Variants in RSPH3 observed in about 807,000 individuals in gnomAD.
RSPH3 encodes radial spoke head protein 3 homolog.
Under a neutral mutation model 43.8 loss-of-function variants are expected in RSPH3, and 21 were observed. The ratio of observed to expected loss-of-function variants is 0.48; its 90% CI spans 0.34 to 0.69. The LOEUF (loss-of-function observed/expected upper bound fraction) is 0.69. RSPH3 is among the 30% of genes least tolerant of loss of function. The pLI, the probability that RSPH3 is intolerant of heterozygous loss-of-function variation, is 0.01. For missense variants in RSPH3, 487 were observed against 516.0 expected, an observed-to-expected ratio of 0.94 and a Z score of 0.54; for synonymous variants, 173 against 179.8, an observed-to-expected ratio of 0.96 and a Z score of 0.30.
At position 158,982,421 on chromosome 6, in the gene RSPH3, T is replaced by C. The variant is rs1023931410; in HGVS notation, c.696+64A>G. 2.8e-5 allele frequency: 28 copies of C among 1,015,648 alleles called. 1 individual carries two copies. The East Asian group carries it at 7.0e-4, about 25-fold the overall frequency. The allele number at this position is 1,015,648 out of a possible 1,614,324, so 62.9% of individuals were successfully genotyped here. A position where few individuals can be genotyped will look rare whatever the true frequency, so the allele number is the denominator to read the frequency against. ...TTTTATGATATATCATCACATGTAA[T>C]TTTGAACATAATATGCTAACTAGCC... On this transcript the variant is annotated intron_variant, in intron 5 of 7. Coordinates refer to ENST00000367069, the MANE Select transcript of RSPH3 (RefSeq NM_031924.8).
At position 158,999,838 on chromosome 6, in the gene RSPH3, C is replaced by G; in HGVS notation, c.-288G>C. ...GGCGGGAACTCCGGGCAGTTCCGGT[C>G]CCCAGGTTTCCCGGGAAGGACTGCG... On this transcript the variant is annotated 5_prime_UTR_variant, in exon 1 of 8. Coordinates refer to ENST00000367069, the MANE Select transcript of RSPH3 (RefSeq NM_031924.8). 1 of 1,613,864 alleles carries G rather than the reference C, an allele frequency of 6.2e-7. No individual in the cohort carries two copies. Among genetic ancestry groups the G allele is most frequent in the South Asian group, 1.1e-5 (1 of 91,068 alleles).
chr6:158,985,014 C>T (rs1283475077), intron 3 of RSPH3, among the ~76,000 whole-genome samples: 1 of 152,210 alleles, frequency 6.6e-6, no homozygotes, highest in South Asian at 2.1e-4. Flanking sequence ...GATGGATCCA[C>T]TCACCATCTT....
In RSPH3 at chr6:158,984,127, C is replaced by T. The variant is rs140653783; in HGVS notation, c.347-320G>A. Among the ~76,000 whole-genome samples, 2,550 of 151,602 alleles carry T rather than the reference C, an allele frequency of 0.017. 67 individuals are homozygous for T. The highest frequency in any genetic ancestry group is 0.059 in the African/African-American group (2,425 of 41,334). On this transcript the variant is annotated intron_variant, in intron 3 of 7. Coordinates refer to ENST00000367069, the MANE Select transcript of RSPH3 (RefSeq NM_031924.8). ...ACAGCCTGGGCAACACAGTGAGACT[C>T]TGTCTCAAAGAAAAAAAAATTCTGG...
chr6:158,976,397 C>T lies in RSPH3; in HGVS notation c.*1141G>A, dbSNP rs1003857644. On this transcript the variant is annotated 3_prime_UTR_variant, in exon 8 of 8. Transcript: ENST00000367069. ...ACAGTCATAATATGTAATACCTTAA[C>T]CATATTTTGACAAGATAAGAGATTG... 3.3e-5 allele frequency: 5 copies of T among 151,946 alleles called. No individual in the cohort carries two copies. Among genetic ancestry groups the T allele is most frequent in the African/African-American group, 1.2e-4 (5 of 41,322 alleles). 9.4% of individuals were successfully genotyped at this position (151,946 alleles called of 1,614,324 possible). A position where few individuals can be genotyped will look rare whatever the true frequency, so the allele number is the denominator to read the frequency against.
intron 1 of RSPH3, among the ~76,000 whole-genome samples, chr6:158,997,419 A>C (rs1041493148): frequency 6.6e-6 from 1 of 151,996 alleles, no homozygotes; most frequent in Non-Finnish European, 1.5e-5. Flanking sequence ...TTACAGGTAC[A>C]TGCCACCATG....
chr6:158,986,013 AC>A (rs1275243208), intron 3 of RSPH3, among the ~76,000 whole-genome samples: 1 of 151,192 alleles, frequency 6.6e-6, no homozygotes, highest in East Asian at 2.0e-4. Flanking sequence ...GGGGTATTTC[AC>A]CACATTGGCC....
downstream of RSPH3, among the ~76,000 whole-genome samples, chr6:158,969,554 T>C (rs1302265632): frequency 6.6e-6 from 1 of 152,228 alleles, no homozygotes; most frequent in Non-Finnish European, 1.5e-5. Flanking sequence ...ACATTTTTCA[T>C]CAAATTTAGT....
chr6:158,968,949 T>C (rs1310564996), downstream of RSPH3, among the ~76,000 whole-genome samples: 1 of 152,190 alleles, frequency 6.6e-6, no homozygotes, highest in African/African-American at 2.4e-5. Flanking sequence ...GACCTTGTGA[T>C]CCACCCTACA....
Position 158,977,593 on chromosome 6 carries a change from C to T in RSPH3, c.1202G>A (p.Gly401Glu). ...RKFMEERELL[G>E]QDEETAMRKS... ...CCTCATTGCTGTTTCTTCATCTTGC[C>T]CTAAGAGTTCTCTCTCTTCCATAAA... is the stretch of plus-strand genomic sequence containing the variant. Residue 401 changes from glycine to glutamate, a missense_variant, in exon 8 of 8, where the codon GGG becomes GAG. By Grantham distance (98) the Gly-to-Glu change is moderately conservative. Transcript: ENST00000367069. The T allele has an allele frequency of 1.9e-6, 3 of 1,614,028 alleles. No homozygotes were observed. The highest frequency in any genetic ancestry group is 2.5e-6 in the Non-Finnish European group (3 of 1,180,010).
downstream of RSPH3, among the ~76,000 whole-genome samples, chr6:158,970,861 C>T (rs1371422333): frequency 6.6e-6 from 1 of 152,074 alleles, no homozygotes; most frequent in Non-Finnish European, 1.5e-5. Context: ...AATGTCAAAG[C>T]TTTTTAAAGC....
In RSPH3 at chr6:158,973,443, C is replaced by T. The variant is rs887535205; in HGVS notation, c.*4095G>A. 6.6e-6 allele frequency: 1 copy of T among 152,146 alleles called. No individual in the cohort carries two copies. The highest frequency in any genetic ancestry group is 1.5e-5 in the Non-Finnish European group (1 of 68,016). 9.4% of individuals were successfully genotyped at this position (152,146 alleles called of 1,614,324 possible). On this transcript the variant is annotated 3_prime_UTR_variant, in exon 8 of 8. Coordinates refer to ENST00000367069, the MANE Select transcript of RSPH3 (RefSeq NM_031924.8). ...AAAATGCTGCTTCCCCAACTATGACCGCCATTATAACTTTTAATGGAATTA... is the reference window on the plus strand; with the variant it reads ...AAAATGCTGCTTCCCCAACTATGACTGCCATTATAACTTTTAATGGAATTA...
At chr6:158,985,944 G>A (rs1778221936) in intron 3 of RSPH3, among the ~76,000 whole-genome samples, 1 of 151,454 alleles carries the variant, frequency 6.6e-6, no homozygotes, top group Non-Finnish European at 1.5e-5. Flanking sequence ...CTCCCGAGTA[G>A]CTGGGATTAC....
chr6:158,999,273 TCCACACC>T (rs1778761239), intron 1 of RSPH3, among the ~76,000 whole-genome samples, 155 bp downstream of exon 1: 1 of 152,194 alleles, frequency 6.6e-6, no homozygotes, highest in Admixed American at 6.5e-5. Flanking sequence ...GCTTCACTCC[TCCACACC>T]ACGGGAGATT....
At chr6:158,964,368 A>G in the RSPH3 span, among the ~76,000 whole-genome samples, 1 of 152,136 alleles carries the variant, frequency 6.6e-6, no homozygotes, top group African/African-American at 2.4e-5. Context: ...CTTTTTCTGT[A>G]TTGTGATTGT....
chr6:158,984,971 T>A (rs1341310464), intron 3 of RSPH3, among the ~76,000 whole-genome samples: 1 of 152,174 alleles, frequency 6.6e-6, no homozygotes, highest in Non-Finnish European at 1.5e-5. Flanking sequence ...CATGGAATGG[T>A]CCCTTTTGCC....
intron 3 of RSPH3, among the ~76,000 whole-genome samples, chr6:158,984,434 TTATATATATATATA>T (rs55999313): frequency 2.4e-4 from 15 of 63,708 alleles, no homozygotes; most frequent in Admixed American, 1.1e-3. Context: ...AAAAAGTCAA[TTATATATATATATA>T]TATATATATA....
intron 1 of RSPH3, among the ~76,000 whole-genome samples, chr6:158,998,788 T>C (rs113090409): frequency 1.1e-5 from 1 of 89,020 alleles, no homozygotes; most frequent in African/African-American, 4.5e-5. Context: ...CGGGGAGGAG[T>C]GGGGGAGGGG....
At chr6:158,993,205 C>T (rs1778477655) in intron 2 of RSPH3, among the ~76,000 whole-genome samples, 1 of 151,940 alleles carries the variant, frequency 6.6e-6, no homozygotes, top group African/African-American at 2.4e-5. Context: ...GCAACTTCTG[C>T]CTCCTGGGTT....
Position 158,999,493 on chromosome 6 carries a change from T to TGGTGTA in RSPH3, c.52_57dup (p.Tyr18_Thr19dup), listed in dbSNP as rs1242867400. 1.2e-5 allele frequency: 19 copies of TGGTGTA among 1,533,922 alleles called. No homozygotes were observed. The highest frequency in any genetic ancestry group is 9.7e-5 in the African/African-American group (7 of 72,410). ...TGGCAGGGCAGTGCTCGGGGCCGGC[T>TGGTGTA]GGTGTAGGTGTAGGTGCTCGGGGCC... On this transcript the variant is annotated inframe_insertion, in exon 1 of 8. Transcript: ENST00000367069.
Sources: gnomAD v4.1 joint callset for allele counts (sites outside exome capture counted in the v4.1 genomes callset) on GRCh38, gnomAD v4.1.1 for gene constraint, MANE v1.5 for transcripts, NCBI Gene and HGNC (gene_info 2026-07-23, HGNC 2026-07-21) for gene names.